The following KRT12 variants were observed in gnomAD, a reference collection of about 807,000 sequenced individuals.
KRT12 encodes the protein keratin 12.
KRT12 carries 43 observed loss-of-function variants against 50.2 expected under a neutral mutation model. The ratio of observed to expected loss-of-function variants is 0.86; its 90% CI spans 0.67 to 1.11. The LOEUF is 1.11. KRT12 is among the 50% of genes least tolerant of loss of function. The pLI, the probability that KRT12 is intolerant of heterozygous loss-of-function variation, is 0.00. For missense variants in KRT12, 588 were observed against 625.6 expected (o/e 0.94, Z 0.64); for synonymous variants, 257 against 253.6 (o/e 1.01, Z -0.13).
chr17:40,865,278 C>G (rs898868567), intron 2 of KRT12, among the ~76,000 whole-genome samples: 2 of 152,198 alleles, frequency 1.3e-5, no homozygotes, highest in Non-Finnish European at 2.9e-5. Context: ...ATAGCAGCAG[C>G]CCCTCTCTAA....
rs1228565509 is a variant in KRT12 at position 40,863,822 on chromosome 17, C to T, written c.850G>A (p.Val284Ile). The T allele has an allele frequency of 5.0e-6, 8 of 1,611,258 alleles. No individual in the cohort carries two copies. The highest frequency in any genetic ancestry group is 5.9e-6 in the Non-Finnish European group (7 of 1,179,316). Residue 284 changes from valine (V) to isoleucine (I), a missense_variant, in exon 4 of 8, where the codon GTA becomes ATA. By Grantham distance (29) the Val-to-Ile change is conservative. Transcript: ENST00000251643. This position sits in a 1 kb window ranked among gnomAD's most constrained non-coding sequence, Gnocchi z 4.2. ...FRVGGPGEVS[V>I]EMDAAPGVDL... ...ACTCCGGGGGCAGCGTCCATTTCTA[C>T]GCTGACCTCGCCTGGGCCGCCCACC... is the stretch of plus-strand genomic sequence containing the variant.
At chr17:40,865,447 G>A (rs74526715) in intron 2 of KRT12, among the ~76,000 whole-genome samples, 2,196 of 152,194 alleles carry the variant, frequency 0.014, 53 homozygotes, top group African/African-American at 0.05. Flanking sequence ...ATTTTGTGAA[G>A]CAAAAAGGAA....
In KRT12 at chr17:40,863,065, C is replaced by T; in HGVS notation, c.1316+58G>A. 1.4e-6 allele frequency: 2 copies of T among 1,429,806 alleles called. No homozygotes were observed. Among genetic ancestry groups the T allele is most frequent in the African/African-American group, 2.8e-5 (2 of 71,414 alleles). The allele number at this position is 1,429,806 out of a possible 1,614,324, so 88.6% of individuals were successfully genotyped here. ...AACTAAAACCCCATTCCTTCTATTT[C>T]TGCTGCCCACTCTTGGTCAGCCCCT... On this transcript the variant is annotated intron_variant, in intron 6 of 7. Transcript: ENST00000251643. The surrounding 1 kb of genome is among the most constrained non-coding windows in gnomAD (Gnocchi z 4.2).
Position 40,861,489 on chromosome 17 carries a change from A to G in KRT12, c.*172T>C, listed in dbSNP as rs1906800841. On this transcript the variant is annotated 3_prime_UTR_variant, in exon 8 of 8. Transcript: ENST00000251643. Reference sequence around the variant, plus strand: ...CATGACCAAAATGACTTGTGACTGAATATTGTTTCAGAAGGGCAAAAAGGA... The same window carrying G: ...CATGACCAAAATGACTTGTGACTGAGTATTGTTTCAGAAGGGCAAAAAGGA... The G allele has an allele frequency of 3.2e-6, 2 of 628,140 alleles. No individual in the cohort carries two copies. The highest frequency in any genetic ancestry group is 5.5e-5 in the East Asian group (2 of 36,378). 38.9% of individuals were successfully genotyped at this position (628,140 alleles called of 1,614,324 possible).
At position 40,863,909 on chromosome 17, in the gene KRT12, A is replaced by G. The variant is rs1253626482; in HGVS notation, c.808-45T>C. 1.4e-6 allele frequency: 2 copies of G among 1,395,912 alleles called. No homozygotes were observed. Among genetic ancestry groups the G allele is most frequent in the South Asian group, 2.7e-5 (2 of 74,844 alleles). 86.5% of individuals were successfully genotyped at this position (1,395,912 alleles called of 1,614,324 possible). ...GAGAGGGGCACAGGGGTCCATTGTG[A>G]CTTTCGTGGGCCCTGGATACTTTTG... On this transcript the variant is annotated intron_variant, in intron 3 of 7. Coordinates refer to ENST00000251643, the MANE Select transcript of KRT12 (RefSeq NM_000223.4). The surrounding 1 kb of genome is among the most constrained non-coding windows in gnomAD (Gnocchi z 4.2).
At chr17:40,865,860 T>C (rs1020970918) in intron 2 of KRT12, among the ~76,000 whole-genome samples, 1 of 151,888 alleles carries the variant, frequency 6.6e-6, no homozygotes, top group African/African-American at 2.4e-5. Context: ...AAAAAGAAAA[T>C]TGAGGTTTAG....
chr17:40,862,060 TTTTTAA>T (rs1318354745), intron 7 of KRT12, among the ~76,000 whole-genome samples: 1 of 152,146 alleles, frequency 6.6e-6, no homozygotes, highest in African/African-American at 2.4e-5. Flanking sequence ...TTTTTTTTAT[TTTTTAA>T]TTTTAATTTT....
rs1907033012 is a variant in KRT12, at chr17:40,866,613, A to T, written c.567+7T>A. 14 of 1,612,684 alleles carry T rather than the reference A, an allele frequency of 8.7e-6. No individual in the cohort carries two copies. The highest frequency in any genetic ancestry group is 1.1e-5 in the Non-Finnish European group (13 of 1,178,974). ...AATTCCCAAAGCGCCTCCAAAAGAG[A>T]TCTTACCTTATTCCTGAGGTCTTCA... On this transcript the variant is annotated splice_region_variant and intron_variant, in intron 1 of 7. Coordinates refer to ENST00000251643, the MANE Select transcript of KRT12 (RefSeq NM_000223.4).
Position 40,861,419 on chromosome 17 carries a change from G to C in KRT12, c.*242C>G. ...GAAAGTTCGTTAAAAGACTACTCCAGGTCCAGAAGGATATAAGGTAATTTT... is the reference window on the plus strand; with the variant it reads ...GAAAGTTCGTTAAAAGACTACTCCACGTCCAGAAGGATATAAGGTAATTTT... On this transcript the variant is annotated 3_prime_UTR_variant, in exon 8 of 8. Coordinates refer to ENST00000251643, the MANE Select transcript of KRT12 (RefSeq NM_000223.4). 1 of 540,446 alleles carries C rather than the reference G, an allele frequency of 1.9e-6. No individual in the cohort carries two copies. Among genetic ancestry groups the C allele is most frequent in the Non-Finnish European group, 3.3e-6 (1 of 303,456 alleles). 33.5% of individuals were successfully genotyped at this position (540,446 alleles called of 1,614,324 possible). A position where few individuals can be genotyped will look rare whatever the true frequency, so the allele number is the denominator to read the frequency against.
chr17:40,863,588 A>G lies in KRT12; in HGVS notation c.992T>C (p.Ile331Thr), dbSNP rs1356316804. The change falls in exon 5 of 8, where the codon ATT becomes ACT. Residue 331 changes from isoleucine to threonine, a missense_variant. Coordinates refer to ENST00000251643, the MANE Select transcript of KRT12 (RefSeq NM_000223.4). This position sits in a 1 kb window ranked among gnomAD's most constrained non-coding sequence, Gnocchi z 4.2. ...CTGAAGCTGCTCGGTGTTGGTGCTAATCTCCTTACGGAGCTCCCCGCTCTG... is the reference window on the plus strand; with the variant it reads ...CTGAAGCTGCTCGGTGTTGGTGCTAGTCTCCTTACGGAGCTCCCCGCTCTG... ...IEKSGELRKE[I>T]STNTEQLQSS... 1.9e-6 allele frequency: 3 copies of G among 1,614,092 alleles called. No homozygotes were observed. Among genetic ancestry groups the G allele is most frequent in the African/African-American group, 2.7e-5 (2 of 74,936 alleles).
Position 40,864,888 on chromosome 17 carries a change from A to G in KRT12, c.725T>C (p.Leu242Pro). The change falls in exon 3 of 8, where the codon CTG becomes CCG. Residue 242 changes from leucine to proline, a missense_variant. Coordinates refer to ENST00000251643, the MANE Select transcript of KRT12 (RefSeq NM_000223.4). ...INGLRRVLDE[L>P]TLTRTDLEMQ... ...CTCCAGGTCGGTCCTGGTCAGGGTC[A>G]GCTCGTCCAGCACCCGGCGCAGGCC... The G allele has an allele frequency of 6.2e-7, 1 of 1,614,252 alleles. No homozygotes were observed. Among genetic ancestry groups the G allele is most frequent in the South Asian group, 1.1e-5 (1 of 91,088 alleles).
At position 40,867,169 on chromosome 17, in the gene KRT12, G is replaced by A. The variant is rs748192066; in HGVS notation, c.18C>T (p.Asn6=). 3.1e-6 allele frequency: 5 copies of A among 1,607,282 alleles called. No homozygotes were observed. The East Asian group carries it at 8.9e-5, about 29-fold the overall frequency. ...GGGTGCGCACTGAGAGTGACATGGT[G>A]TTGTTGGAGAGATCCATGGCCTGGG... The part of the protein sequence containing the change: MDLSN[N]TMSLSVRTPG... Residue 6 remains asparagine (N), a synonymous_variant, in exon 1 of 8, where the codon AAC becomes AAT. Coordinates refer to ENST00000251643, the MANE Select transcript of KRT12 (RefSeq NM_000223.4).
intron 1 of KRT12, 123 bp from the exon 2 acceptor site, chr17:40,866,360 A>C: frequency 1.2e-6 from 1 of 826,186 alleles, no homozygotes; most frequent in Non-Finnish European, 2.0e-6. Flanking sequence ...AGTTTAAGAC[A>C]GTTTCATTTT....
At chr17:40,862,682 C>A in intron 6 of KRT12, 47 bp from the exon 7 acceptor site, 1 of 1,333,934 alleles carries the variant, frequency 7.5e-7, no homozygotes, top group African/African-American at 1.4e-5. Flanking sequence ...AACAACCTGG[C>A]TTTTAATGGA....
Position 40,861,365 on chromosome 17 carries a change from T to C in KRT12, c.*296A>G. ...ACAATACTACTTGATTAAAGCTCTA[T>C]GATTAAAAAATATTCCGGGTTACCA... On this transcript the variant is annotated 3_prime_UTR_variant, in exon 8 of 8. Coordinates refer to ENST00000251643, the MANE Select transcript of KRT12 (RefSeq NM_000223.4). 1 of 429,402 alleles carries C rather than the reference T, an allele frequency of 2.3e-6. No homozygotes were observed. Among genetic ancestry groups the C allele is most frequent in the South Asian group, 2.7e-5 (1 of 37,282 alleles). The allele number at this position is 429,402 out of a possible 1,614,324, so 26.6% of individuals were successfully genotyped here.
chr17:40,864,774 G>A, intron 3 of KRT12, 32 bp downstream of exon 3: 2 of 1,569,436 alleles, frequency 1.3e-6, no homozygotes, highest in Non-Finnish European at 1.7e-6. Context: ...AAAAAAAAAA[G>A]TAGCTGAGTG....
chr17:40,863,868 G>A lies in KRT12; in HGVS notation c.808-4C>T, dbSNP rs1476336560. ...CCACCCGGAAGCTTTGGAGCTCCTGGGGACAGCATGTGAGAGAGAGGGGCA... is the reference window on the plus strand; with the variant it reads ...CCACCCGGAAGCTTTGGAGCTCCTGAGGACAGCATGTGAGAGAGAGGGGCA... On this transcript the variant is annotated splice_polypyrimidine_tract_variant and splice_region_variant and intron_variant, in intron 3 of 7. Coordinates refer to ENST00000251643, the MANE Select transcript of KRT12 (RefSeq NM_000223.4). The surrounding 1 kb of genome is among the most constrained non-coding windows in gnomAD (Gnocchi z 4.2). 6.3e-7 allele frequency: 1 copy of A among 1,595,678 alleles called. No individual in the cohort carries two copies. The highest frequency in any genetic ancestry group is 8.5e-7 in the Non-Finnish European group (1 of 1,173,084).
Position 40,865,306 on chromosome 17 carries a change from C to T in KRT12, c.651-344G>A, listed in dbSNP as rs368165698. ...CTCTCTAAGTGGAATTTCTAAAAGC[C>T]GTTGAAAATAAGTTACTCTTTTTGC... On this transcript the variant is annotated intron_variant, in intron 2 of 7. Transcript: ENST00000251643. Among the ~76,000 whole-genome samples the T allele has an allele frequency of 4.6e-5, 7 of 152,282 alleles. No individual in the cohort carries two copies. In the East Asian group the frequency reaches 7.7e-4, roughly 17 times the overall value.
intron 6 of KRT12, 159 bp downstream of exon 6, chr17:40,862,962 CTT>C (rs1314904433): frequency 2.8e-6 from 2 of 703,748 alleles, no homozygotes; most frequent in Non-Finnish European, 4.9e-6. Flanking sequence ...GGTGAAAACA[CTT>C]TGCAAAGTGT....
Sources: allele counts gnomAD v4.1 joint callset (sites outside exome capture counted in the v4.1 genomes callset), GRCh38; gene constraint gnomAD v4.1.1; non-coding constraint Gnocchi (gnomAD v3.1); transcripts MANE v1.5; gene names NCBI Gene and HGNC (gene_info 2026-07-23, HGNC 2026-07-21).